SLC8A3: variants seen among roughly 807,000 people sequenced by gnomAD.
SLC8A3 encodes the protein solute carrier family 8 member A3.
SLC8A3 carries 37 observed loss-of-function variants against 65.4 expected under a neutral mutation model. The ratio of observed to expected loss-of-function variants is 0.57; its 90% CI spans 0.44 to 0.74. The LOEUF (loss-of-function observed/expected upper bound fraction) is 0.74, where lower values mean the gene tolerates loss of function less well. SLC8A3 is among the 30% of genes least tolerant of loss of function. The probability of loss-of-function intolerance (pLI) is 0.00; values close to 1 mark genes in which losing one functional copy is unlikely to be tolerated. For missense variants in SLC8A3, 1,112 were observed against 1,172.1 expected (o/e 0.95, Z 0.75); for synonymous variants, 461 against 444.5 (o/e 1.04, Z -0.47).
intron 2 of SLC8A3, among the ~76,000 whole-genome samples, chr14:70,162,574 G>T (rs567307908): frequency 6.6e-6 from 1 of 152,160 alleles, no homozygotes; most frequent in East Asian, 1.9e-4. Flanking sequence ...GGCATCAAAG[G>T]TCCAAGAGCT....
chr14:70,055,872 C>G, intron 3 of SLC8A3: 2 of 1,505,810 alleles, frequency 1.3e-6, no homozygotes, highest in South Asian at 2.4e-5. Context: ...CATTAATGTC[C>G]CATCTTGAAA....
At chr14:70,055,515 T>C (rs1207039134) in intron 3 of SLC8A3, among the ~76,000 whole-genome samples, 1 of 152,152 alleles carries the variant, frequency 6.6e-6, no homozygotes, top group Non-Finnish European at 1.5e-5. Context: ...ACCCACCATC[T>C]CCTTGTTAAG....
At chr14:70,057,331 T>TAGAA (rs1232840038) in intron 3 of SLC8A3, among the ~76,000 whole-genome samples, 1 of 151,146 alleles carries the variant, frequency 6.6e-6, no homozygotes, top group Non-Finnish European at 1.5e-5. Context: ...GATAGATAGA[T>TAGAA]AGATAGGCAA....
intron 2 of SLC8A3, among the ~76,000 whole-genome samples, chr14:70,159,410 C>CAAAAAAAAAAAAAAAAAAAAAAAAAAAA (rs5809471): frequency 7.5e-6 from 1 of 133,688 alleles, no homozygotes; most frequent in African/African-American, 2.8e-5. Context: ...AAGACTCTGT[C>CAAAAAAAAAAAAAAAAAAAAAAAAAAAA]AAAAAAAAAA....
At chr14:70,158,535 A>C (rs1266805795) in intron 2 of SLC8A3, among the ~76,000 whole-genome samples, 1 of 152,216 alleles carries the variant, frequency 6.6e-6, no homozygotes, top group Non-Finnish European at 1.5e-5. Context: ...AGTACCAACT[A>C]AAGAACCTAC....
At chr14:70,066,581 C>A (rs1381500742) in intron 2 of SLC8A3, among the ~76,000 whole-genome samples, 1 of 152,120 alleles carries the variant, frequency 6.6e-6, no homozygotes, top group African/African-American at 2.4e-5. Flanking sequence ...AAGGCCGAGG[C>A]GGGTGGATCG....
chr14:70,165,762 C>T (rs564794410), intron 2 of SLC8A3, among the ~76,000 whole-genome samples: 7 of 150,730 alleles, frequency 4.6e-5, no homozygotes, highest in Admixed American at 4.6e-4. Flanking sequence ...AGTGTAATAC[C>T]CACAGTTTCT....
intron 1 of SLC8A3, 52 bp from the exon 2 acceptor site, chr14:70,168,536 A>C: frequency 2.5e-5 from 19 of 751,064 alleles, no homozygotes; most frequent in East Asian, 2.7e-5. Flanking sequence ...GGGGACAGCA[A>C]ACGGCAGGTT....
At chr14:70,055,863 A>G (rs181353227) in intron 3 of SLC8A3, 14 of 1,551,728 alleles carry the variant, frequency 9.0e-6, no homozygotes, top group African/African-American at 4.1e-5. Context: ...AGGAAAGAGC[A>G]TTAATGTCCC....
intron 2 of SLC8A3, among the ~76,000 whole-genome samples, chr14:70,132,349 G>T (rs1324379185): frequency 5.3e-5 from 8 of 152,256 alleles, no homozygotes; most frequent in Non-Finnish European, 1.0e-4. Context: ...TTTAGCATTT[G>T]AGTATTTAGT....
At chr14:70,060,235 C>T (rs750573574) in intron 3 of SLC8A3, 1 of 180,990 alleles carries the variant, frequency 5.5e-6, no homozygotes, top group Admixed American at 5.6e-5. Context: ...AAGTGAATAA[C>T]CTGCCAAGCG....
At chr14:70,075,875 C>T (rs546028237) in intron 2 of SLC8A3, among the ~76,000 whole-genome samples, 9 of 152,240 alleles carry the variant, frequency 5.9e-5, no homozygotes, top group East Asian at 1.9e-4. Context: ...CTGGAGGGCT[C>T]GATAAAACAC....
At chr14:70,161,654 T>C (rs61978182) in intron 2 of SLC8A3, among the ~76,000 whole-genome samples, 30,458 of 152,082 alleles carry the variant, frequency 0.2, 3,203 homozygotes, top group Middle Eastern at 0.25. Context: ...GCTTGCAGTC[T>C]TGTGACTCTC....
chr14:70,126,289 G>A (rs1190281722), intron 2 of SLC8A3, among the ~76,000 whole-genome samples: 1 of 152,024 alleles, frequency 6.6e-6, no homozygotes, highest in Non-Finnish European at 1.5e-5. Flanking sequence ...ACTTAGGGGG[G>A]CATCATTGAG....
At chr14:70,057,287 C>CAGATAGGT (rs1366813394) in intron 3 of SLC8A3, among the ~76,000 whole-genome samples, 1 of 135,084 alleles carries the variant, frequency 7.4e-6, no homozygotes, top group Non-Finnish European at 1.6e-5. Flanking sequence ...TATAGATAGG[C>CAGATAGGT]AGATAGGTAG....
At chr14:70,116,837 A>C (rs1175455836) in intron 2 of SLC8A3, among the ~76,000 whole-genome samples, 2 of 152,208 alleles carry the variant, frequency 1.3e-5, no homozygotes, top group African/African-American at 4.8e-5. Context: ...GATTCTCCGC[A>C]TGGAATTTTT....
intron 2 of SLC8A3, among the ~76,000 whole-genome samples, chr14:70,142,000 G>A (rs142837713): frequency 3.5e-4 from 54 of 152,302 alleles, no homozygotes; most frequent in East Asian, 1.2e-3. Flanking sequence ...AGTGACCAGA[G>A]CCCTGCCTTA....
In SLC8A3 at chr14:70,051,023, T is replaced by C. The variant is rs1414981344; in HGVS notation, c.2098A>G (p.Ile700Val). 6.2e-7 allele frequency: 1 copy of C among 1,611,418 alleles called. No homozygotes were observed. Among genetic ancestry groups the C allele is most frequent in the African/African-American group, 1.3e-5 (1 of 74,856 alleles). The change falls in exon 5 of 7, where the codon ATC becomes GTC. Residue 700 changes from isoleucine to valine, a missense_variant. Transcript: ENST00000356921. ...CACTTCTCACCTGCACTGACGGTGA[T>C]GGCCTCCATGAACTGGTCCCTCCAG... is the stretch of plus-strand genomic sequence containing the variant. ...HSWRDQFMEA[I>V]TVSAAGDEDE...
At chr14:70,086,388 C>A (rs1027049460) in intron 2 of SLC8A3, among the ~76,000 whole-genome samples, 14 of 135,264 alleles carry the variant, frequency 1.0e-4, no homozygotes, top group African/African-American at 3.3e-4. Flanking sequence ...TTTCTTTTTT[C>A]TTTTTCTTTT....
Sources: gnomAD v4.1 joint callset for allele counts (sites outside exome capture counted in the v4.1 genomes callset) on GRCh38, gnomAD v4.1.1 for gene constraint, MANE v1.5 for transcripts, NCBI Gene and HGNC (gene_info 2026-07-23, HGNC 2026-07-21) for gene names.